The following IL7R variants were observed in gnomAD, a reference collection of about 807,000 sequenced individuals.
IL7R encodes interleukin-7 receptor subunit alpha.
Under a neutral mutation model 47.0 loss-of-function variants are expected in IL7R, and 38 were observed. The observed-to-expected ratio is 0.81, with a 90% CI of 0.62 to 1.06. The LOEUF is 1.06. Among genes scored for constraint, IL7R ranks in the 50% least tolerant of loss-of-function variants. The pLI, the probability that IL7R is intolerant of heterozygous loss-of-function variation, is 0.00. For synonymous variants in IL7R, 221 were observed against 199.8 expected, an observed-to-expected ratio of 1.11 and a Z score of -0.89; for missense variants, 633 against 534.8, an observed-to-expected ratio of 1.18 and a Z score of -1.81.
intron 2 of IL7R, among the ~76,000 whole-genome samples, chr5:35,867,022 A>T (rs1371031255): frequency 6.6e-6 from 1 of 152,168 alleles, no homozygotes; most frequent in African/African-American, 2.4e-5. Context: ...TCAGTGATCA[A>T]TTATAAAAAT....
intron 1 of IL7R, 147 bp downstream of exon 1, chr5:35,857,206 T>C (rs1387843292): frequency 5.0e-5 from 35 of 705,584 alleles, no homozygotes; most frequent in African/African-American, 3.5e-5. Context: ...TTTTTAATGT[T>C]TAACCACCAT....
At chr5:35,875,372 A>C (rs776639387) in intron 6 of IL7R, 140 bp from the exon 7 acceptor site, 1 of 723,230 alleles carries the variant, frequency 1.4e-6, no homozygotes, top group Non-Finnish European at 2.5e-6. Flanking sequence ...CAGTCTCTTG[A>C]CCATGGTCAC....
At chr5:35,867,083 A>G (rs1759957029) in intron 2 of IL7R, among the ~76,000 whole-genome samples, 1 of 152,170 alleles carries the variant, frequency 6.6e-6, no homozygotes, top group African/African-American at 2.4e-5. Context: ...TTCAGGTTCA[A>G]TTGCATCTAA....
rs746743911 is a variant in IL7R at position 35,867,427 on chromosome 5, A to G, written c.343A>G (p.Ser115Gly). The G allele has an allele frequency of 6.2e-7, 1 of 1,613,396 alleles. No individual in the cohort carries two copies. The highest frequency in any genetic ancestry group is 1.1e-5 in the South Asian group (1 of 91,056). ...SNICVKVGEK[S>G]LTCKKIDLTT... Reference sequence around the variant, plus strand: ...TATATGTGTGAAGGTTGGAGAAAAGAGTCTAACCTGCAAAAAAATAGACCT... The same window carrying G: ...TATATGTGTGAAGGTTGGAGAAAAGGGTCTAACCTGCAAAAAAATAGACCT... The change falls in exon 3 of 8, where the codon AGT (serine) becomes GGT (glycine). Residue 115 changes from serine to glycine, a missense_variant. Coordinates refer to ENST00000303115, the MANE Select transcript of IL7R (RefSeq NM_002185.5).
chr5:35,875,166 G>A (rs1760172320), intron 6 of IL7R, among the ~76,000 whole-genome samples: 1 of 152,188 alleles, frequency 6.6e-6, no homozygotes, highest in African/African-American at 2.4e-5. Context: ...CTTAAATTGG[G>A]AGTAAACAAC....
chr5:35,876,695 T>A lies in IL7R; in HGVS notation c.*209T>A, dbSNP rs1760226865. The A allele has an allele frequency of 1.6e-6, 1 of 611,774 alleles. No individual in the cohort carries two copies. 37.9% of individuals were successfully genotyped at this position (611,774 alleles called of 1,614,324 possible). On this transcript the variant is annotated 3_prime_UTR_variant, in exon 8 of 8. Transcript: ENST00000303115. Reference sequence around the variant, plus strand: ...AGTCAAGAGCATCCTGCTTCTACCATGTGGATTTGGTCACAAGGTTTAAGG... The same window carrying A: ...AGTCAAGAGCATCCTGCTTCTACCAAGTGGATTTGGTCACAAGGTTTAAGG...
In IL7R at chr5:35,874,506, T is replaced by C; in HGVS notation, c.764T>C (p.Leu255Pro). The C allele has an allele frequency of 6.2e-7, 1 of 1,613,796 alleles. No homozygotes were observed. The highest frequency in any genetic ancestry group is 8.5e-7 in the Non-Finnish European group (1 of 1,179,662). ...ISILSFFSVA[L>P]LVILACVLWK... is the part of the protein sequence containing the mutation. The stretch of plus-strand genomic sequence containing the variant: ...ATTTTGAGTTTTTTCTCTGTCGCTC[T>C]GTTGGTCATCTTGGCCTGTGTGTTA... Residue 255 changes from leucine (L) to proline (P), a missense_variant, in exon 6 of 8, where the codon CTG becomes CCG. Coordinates refer to ENST00000303115, the MANE Select transcript of IL7R (RefSeq NM_002185.5).
At chr5:35,874,632 A>G in intron 6 of IL7R, 90 bp downstream of exon 6, 1 of 966,132 alleles carries the variant, frequency 1.0e-6, no homozygotes, top group Non-Finnish European at 1.7e-6. Flanking sequence ...AAAACCACAA[A>G]GGGGATTAAG....
chr5:35,873,390 G>C, intron 4 of IL7R, 90 bp from the exon 5 acceptor site: 1 of 1,094,270 alleles, frequency 9.1e-7, no homozygotes, highest in Non-Finnish European at 1.4e-6. Flanking sequence ...ATGCTTATGG[G>C]ACTAAAGGAA....
At chr5:35,870,769 A>G (rs1760051853) in intron 3 of IL7R, among the ~76,000 whole-genome samples, 1 of 152,156 alleles carries the variant, frequency 6.6e-6, no homozygotes, top group African/African-American at 2.4e-5. Context: ...CAAGTGGTGG[A>G]AGAGGACGGA....
At chr5:35,861,823 A>G (rs1449498479) in intron 2 of IL7R, among the ~76,000 whole-genome samples, 1 of 152,024 alleles carries the variant, frequency 6.6e-6, no homozygotes, top group Non-Finnish European at 1.5e-5. Flanking sequence ...TTGAGAAACT[A>G]CTCTAGCTTG....
chr5:35,858,670 T>A (rs1248450912), intron 1 of IL7R, among the ~76,000 whole-genome samples: 1 of 152,206 alleles, frequency 6.6e-6, no homozygotes, highest in East Asian at 1.9e-4. Context: ...GAAGCTCAAA[T>A]GTTTCATGTA....
chr5:35,870,997 T>C (rs1290532957), intron 3 of IL7R, 59 bp from the exon 4 acceptor site: 2 of 1,467,526 alleles, frequency 1.4e-6, no homozygotes, highest in Non-Finnish European at 1.9e-6. Flanking sequence ...GAATTTTAAA[T>C]ACTATAATTA....
chr5:35,871,107 A>G lies in IL7R; in HGVS notation c.431A>G (p.Asn144Ser), dbSNP rs1760063128. The G allele has an allele frequency of 6.2e-7, 1 of 1,612,672 alleles. No homozygotes were observed. Among genetic ancestry groups the G allele is most frequent in the East Asian group, 2.2e-5 (1 of 44,880 alleles). ...DLSVVYREGA[N>S]DFVVTFNTSH... is the part of the protein sequence containing the mutation. ...AGTGTCGTCTATCGGGAAGGAGCCA[A>G]TGACTTTGTGGTGACATTTAATACA... The change falls in exon 4 of 8, where the codon AAT (asparagine) becomes AGT (serine). Residue 144 changes from asparagine (N) to serine (S), a missense_variant. Coordinates refer to ENST00000303115, the MANE Select transcript of IL7R (RefSeq NM_002185.5).
chr5:35,858,638 A>G (rs1759722687), intron 1 of IL7R, among the ~76,000 whole-genome samples: 1 of 152,244 alleles, frequency 6.6e-6, no homozygotes, highest in African/African-American at 2.4e-5. Context: ...AACACCGTCA[A>G]TTGACATAAA....
rs541388320 is a variant in IL7R at position 35,867,659 on chromosome 5, G to A, written c.379+196G>A. On this transcript the variant is annotated intron_variant, in intron 3 of 7. Coordinates refer to ENST00000303115, the MANE Select transcript of IL7R (RefSeq NM_002185.5). ...CTTTCCTGCAGTGAAAGAATTCTGA[G>A]GATCTTCAAACCCAGGTGTGAAAGA... is the stretch of plus-strand genomic sequence containing the variant. The A allele has an allele frequency of 1.7e-4, 114 of 653,012 alleles. 1 individual carries two copies. In the Middle Eastern group the frequency reaches 2.4e-3, roughly 14 times the overall value. The allele number at this position is 653,012 out of a possible 1,614,324, so 40.5% of individuals were successfully genotyped here.
At chr5:35,858,568 G>T (rs1469091020) in intron 1 of IL7R, among the ~76,000 whole-genome samples, 1 of 152,066 alleles carries the variant, frequency 6.6e-6, no homozygotes, top group South Asian at 2.1e-4. Flanking sequence ...AGCATTTAAA[G>T]AATAATAGAT....
intron 3 of IL7R, among the ~76,000 whole-genome samples, chr5:35,869,452 A>G (rs1338010930): frequency 1.3e-5 from 2 of 152,230 alleles, no homozygotes; most frequent in Non-Finnish European, 2.9e-5. Flanking sequence ...AGGTAGAGAA[A>G]CAAAAGCTAA....
At chr5:35,858,367 T>A (rs1759715993) in intron 1 of IL7R, among the ~76,000 whole-genome samples, 1 of 152,160 alleles carries the variant, frequency 6.6e-6, no homozygotes, top group South Asian at 2.1e-4. Flanking sequence ...ATCACAAGGA[T>A]GATCAAGAGA....
Sources: allele counts gnomAD v4.1 joint callset (sites outside exome capture counted in the v4.1 genomes callset), GRCh38; gene constraint gnomAD v4.1.1; transcripts MANE v1.5; gene names NCBI Gene and HGNC (gene_info 2026-07-23, HGNC 2026-07-21).